The following RBM23 variants were observed in gnomAD, a reference collection of about 807,000 sequenced individuals.
RBM23 encodes the protein RNA binding motif protein 23.
A neutral mutation model predicts 56.2 loss-of-function variants in RBM23; 53 were observed. The observed-to-expected ratio is 0.94, with a 90% CI of 0.76 to 1.19. The LOEUF (loss-of-function observed/expected upper bound fraction) is 1.19. Ranked by LOEUF, RBM23 falls within the 50% of genes most tolerant of loss-of-function variation. The pLI is 0.00. For missense variants in RBM23, 642 were observed against 590.3 expected (o/e 1.09, Z -0.91); for synonymous variants, 197 against 198.5 (o/e 0.99, Z 0.06).
At chr14:22,917,549 G>A (rs537354975) in intron 1 of RBM23, 1 of 134,214 alleles carries the variant, frequency 7.5e-6, no homozygotes, top group South Asian at 2.8e-4. Flanking sequence ...CAGGCTGGTA[G>A]TTTTTTCTTT....
Position 22,895,865 on chromosome 14 carries a change from C to T in RBM23, c.*5865G>A, listed in dbSNP as rs2040240542. On this transcript the variant is annotated 3_prime_UTR_variant, in exon 14 of 14. Coordinates refer to ENST00000359890, the MANE Select transcript of RBM23 (RefSeq NM_001077351.2). ...ACCTTGAAGGTACCTGTGAGGGGGG[C>T]TCATTTTGATTTTTCGAAACCATCT... The T allele has an allele frequency of 6.6e-6, 1 of 152,030 alleles. No homozygotes were observed. Among genetic ancestry groups the T allele is most frequent in the Non-Finnish European group, 1.5e-5 (1 of 68,006 alleles). 9.4% of individuals were successfully genotyped at this position (152,030 alleles called of 1,614,324 possible).
intron 5 of RBM23, 84 bp downstream of exon 5, chr14:22,906,111 G>T: frequency 6.8e-7 from 1 of 1,461,832 alleles, no homozygotes; most frequent in Non-Finnish European, 9.4e-7. Flanking sequence ...GTTATAATAA[G>T]CACCCTCAAG....
chr14:22,905,250 T>G lies in RBM23; in HGVS notation c.574-4A>C. The G allele has an allele frequency of 6.2e-7, 1 of 1,614,020 alleles. No individual in the cohort carries two copies. The highest frequency in any genetic ancestry group is 8.5e-7 in the Non-Finnish European group (1 of 1,179,974). On this transcript the variant is annotated splice_region_variant and splice_polypyrimidine_tract_variant and intron_variant, in intron 7 of 13. Transcript: ENST00000359890. ...AGATGATACGTACATCGCGAACCTA[T>G]CCAGGACGCAAAAGAAATCCTGAGT...
In RBM23 at chr14:22,905,169, G is replaced by A; in HGVS notation, c.651C>T (p.Ile217=). ...KGIAYVEFCE[I]QSVPLAIGLT... is the part of the protein sequence containing the mutation. Reference sequence around the variant, plus strand: ...GCCCAATGGCCAGTGGCACAGACTGGATTTCACAGAATTCCACGTAGGCAA... The same window carrying A: ...GCCCAATGGCCAGTGGCACAGACTGAATTTCACAGAATTCCACGTAGGCAA... Residue 217 remains isoleucine, a synonymous_variant, in exon 8 of 14, where the codon ATC becomes ATT. Transcript: ENST00000359890. The A allele has an allele frequency of 6.2e-7, 1 of 1,614,178 alleles. No individual in the cohort carries two copies.
chr14:22,903,162 C>T (rs2040914872), intron 10 of RBM23: 2 of 985,484 alleles, frequency 2.0e-6, no homozygotes, highest in Non-Finnish European at 2.4e-6. Flanking sequence ...GACAGCAAGG[C>T]AGAACCCACA....
intron 5 of RBM23, 115 bp from the exon 6 acceptor site, chr14:22,905,774 G>A (rs1048838879): frequency 1.2e-6 from 1 of 836,274 alleles, no homozygotes; most frequent in African/African-American, 1.7e-5. Context: ...TTTTAAGACA[G>A]GGTTTCCGCT....
chr14:22,905,586 A>G lies in RBM23; in HGVS notation c.455+20T>C, dbSNP rs1290995654. The G allele has an allele frequency of 1.9e-6, 3 of 1,608,146 alleles. No individual in the cohort carries two copies. The highest frequency in any genetic ancestry group is 2.6e-6 in the Non-Finnish European group (3 of 1,174,542). ...ATTCATACCTCACAATCCCTAAAACAGTGTTCATTATCAACCCACCTGACT... is the reference window on the plus strand; with the variant it reads ...ATTCATACCTCACAATCCCTAAAACGGTGTTCATTATCAACCCACCTGACT... On this transcript the variant is annotated intron_variant, in intron 6 of 13. Transcript: ENST00000359890.
At chr14:22,907,573 G>A (rs899190767) in intron 4 of RBM23, among the ~76,000 whole-genome samples, 11 of 152,170 alleles carry the variant, frequency 7.2e-5, no homozygotes, top group African/African-American at 2.7e-4. Context: ...CATACAATAT[G>A]TATCAATTAA....
In RBM23 at chr14:22,901,814, A is replaced by G. The variant is rs1326790044; in HGVS notation, c.1316T>C (p.Met439Thr). 1.2e-5 allele frequency: 19 copies of G among 1,614,022 alleles called. No homozygotes were observed. The highest frequency in any genetic ancestry group is 3.3e-4 in the Middle Eastern group (2 of 6,084). Residue 439 changes from methionine to threonine, a missense_variant and splice_region_variant, in exon 13 of 14, where the codon ATG becomes ACG. Met to Thr is a moderately conservative substitution (Grantham distance 81). Coordinates refer to ENST00000359890, the MANE Select transcript of RBM23 (RefSeq NM_001077351.2). ...QLSSLFTPQT[M>T] ...GAATGAGCTAGACCCTGAGACTCAC[A>G]TGGTCTGGGGGGTAAAGAGGCTGGA...
intron 5 of RBM23, chr14:22,905,915 C>G: frequency 1.7e-6 from 1 of 589,894 alleles, no homozygotes; most frequent in South Asian, 2.1e-5. Context: ...ATATCTAGCT[C>G]ATTTTTGCAT....
In RBM23 at chr14:22,909,523, T is replaced by C; in HGVS notation, c.139A>G (p.Asn47Asp). The C allele has an allele frequency of 1.2e-6, 2 of 1,613,454 alleles. No homozygotes were observed. The highest frequency in any genetic ancestry group is 1.1e-5 in the South Asian group (1 of 91,038). ...NTTSSTSNSG[N>D]ETSGSSTIGE... is the part of the protein sequence containing the mutation. ...ATGGTGCTGCTTCCACTGGTCTCAT[T>C]GCCACTGTTGCTGGTGCTGCTGGTG... Residue 47 changes from asparagine (N) to aspartate (D), a missense_variant, in exon 3 of 14, where the codon AAT (asparagine) becomes GAT (aspartate). Coordinates refer to ENST00000359890, the MANE Select transcript of RBM23 (RefSeq NM_001077351.2).
At chr14:22,906,483 A>G in intron 4 of RBM23, 115 bp from the exon 5 acceptor site, 1 of 1,227,342 alleles carries the variant, frequency 8.1e-7, no homozygotes, top group Non-Finnish European at 1.1e-6. Flanking sequence ...CGTATAACCT[A>G]GTGATGTTAC....
At position 22,894,626 on chromosome 14, in the gene RBM23, G is replaced by A. The variant is rs1375076579; in HGVS notation, c.*7104C>T. ...TCCAGCTACTCGGGAGGCTGAGGTG[G>A]GAGAATCACTTGAACCCGGGAAGCA... On this transcript the variant is annotated 3_prime_UTR_variant, in exon 14 of 14. Coordinates refer to ENST00000359890, the MANE Select transcript of RBM23 (RefSeq NM_001077351.2). 1 of 152,240 alleles carries A rather than the reference G, an allele frequency of 6.6e-6. No individual in the cohort carries two copies. Among genetic ancestry groups the A allele is most frequent in the Non-Finnish European group, 1.5e-5 (1 of 68,066 alleles). The allele number at this position is 152,240 out of a possible 1,614,324, so 9.4% of individuals were successfully genotyped here.
At chr14:22,911,223 A>G (rs1045421474) in intron 2 of RBM23, 105 bp downstream of exon 2, 18 of 895,922 alleles carry the variant, frequency 2.0e-5, no homozygotes, top group Non-Finnish European at 2.7e-5. Flanking sequence ...TACATAATAA[A>G]TAAGCAGGGA....
At position 22,894,773 on chromosome 14, in the gene RBM23, C is replaced by A. The variant is rs2040221300; in HGVS notation, c.*6957G>T. The stretch of plus-strand genomic sequence containing the variant: ...AATAAGGCCCAGCCGGGCGCAGTGG[C>A]TCACGCCTGTAATCCCAGCACTCTG... On this transcript the variant is annotated 3_prime_UTR_variant, in exon 14 of 14. Coordinates refer to ENST00000359890, the MANE Select transcript of RBM23 (RefSeq NM_001077351.2). 1 of 151,276 alleles carries A rather than the reference C, an allele frequency of 6.6e-6. No individual in the cohort carries two copies. Among genetic ancestry groups the A allele is most frequent in the Non-Finnish European group, 1.5e-5 (1 of 67,928 alleles). The allele number at this position is 151,276 out of a possible 1,614,324, so 9.4% of individuals were successfully genotyped here. A position where few individuals can be genotyped will look rare whatever the true frequency, so the allele number is the denominator to read the frequency against.
chr14:22,918,400 TAAA>T (rs34898728), intron 1 of RBM23, among the ~76,000 whole-genome samples: 4 of 149,410 alleles, frequency 2.7e-5, no homozygotes. Context: ...CTTAAAAAAA[TAAA>T]AAAAAAGAGG....
At position 22,904,319 on chromosome 14, in the gene RBM23, T is replaced by A; in HGVS notation, c.872A>T (p.Asn291Ile). The A allele has an allele frequency of 6.2e-7, 1 of 1,607,438 alleles. No homozygotes were observed. The highest frequency in any genetic ancestry group is 1.3e-5 in the African/African-American group (1 of 74,844). Residue 291 changes from asparagine (N) to isoleucine (I), a missense_variant, in exon 10 of 14, where the codon AAT (asparagine) becomes ATT (isoleucine). Asn to Ile is a moderately radical substitution (Grantham distance 149). Coordinates refer to ENST00000359890, the MANE Select transcript of RBM23 (RefSeq NM_001077351.2). ...GIFEPFGKID[N>I]IVLMKDSDTG... Reference sequence around the variant, plus strand: ...ATCTGAGTCCTTCATCAGGACAATATTATCAATCTGTAGAAGAGTGAGAAA... The same window carrying A: ...ATCTGAGTCCTTCATCAGGACAATAATATCAATCTGTAGAAGAGTGAGAAA...
At position 22,901,356 on chromosome 14, in the gene RBM23, G is replaced by T; in HGVS notation, c.*374C>A. 1 of 300,648 alleles carries T rather than the reference G, an allele frequency of 3.3e-6. No homozygotes were observed. 18.6% of individuals were successfully genotyped at this position (300,648 alleles called of 1,614,324 possible). On this transcript the variant is annotated 3_prime_UTR_variant, in exon 14 of 14. Coordinates refer to ENST00000359890, the MANE Select transcript of RBM23 (RefSeq NM_001077351.2). ...GACAGACTAAAGGTTAAAGGTACAG[G>T]AAAAGGAGAGAGGTCAGTTCCTTCA...
At position 22,904,815 on chromosome 14, in the gene RBM23, A is replaced by C. The variant is rs557591052; in HGVS notation, c.864+60T>G. On this transcript the variant is annotated intron_variant, in intron 9 of 13. Transcript: ENST00000359890. ...CAGGCACAACAGAGAAGTACACTCA[A>C]ACACTCACCCTCCCCACTTCTTCCA... is the stretch of plus-strand genomic sequence containing the variant. 298 of 1,605,198 alleles carry C rather than the reference A, an allele frequency of 1.9e-4. 1 individual carries two copies. In the South Asian group the frequency reaches 2.8e-3, roughly 15 times the overall value.
Sources: allele counts gnomAD v4.1 joint callset (sites outside exome capture counted in the v4.1 genomes callset), GRCh38; gene constraint gnomAD v4.1.1; transcripts MANE v1.5; gene names NCBI Gene and HGNC (gene_info 2026-07-23, HGNC 2026-07-21).